ZC2HC1B: variants seen among roughly 807,000 people sequenced by gnomAD.
ZC2HC1B encodes zinc finger C2HC-type containing 1B.
ZC2HC1B carries 36 observed loss-of-function variants against 31.0 expected under a neutral mutation model. That is an observed-to-expected ratio of 1.16 (90% CI 0.89 to 1.54). The LOEUF (loss-of-function observed/expected upper bound fraction) is 1.54, where lower values mean the gene tolerates loss of function less well. Ranked by LOEUF, ZC2HC1B falls within the 40% of genes most tolerant of loss-of-function variation. The probability of loss-of-function intolerance (pLI) is 0.00; values close to 1 mark genes in which losing one functional copy is unlikely to be tolerated. For missense variants in ZC2HC1B, 260 were observed against 268.6 expected, an observed-to-expected ratio of 0.97 and a Z score of 0.22; for synonymous variants, 73 against 88.0, an observed-to-expected ratio of 0.83 and a Z score of 0.95.
rs189329143 is a variant in ZC2HC1B at position 143,926,898 on chromosome 6, C to T, written c.599-10751C>T. On this transcript the variant is annotated intron_variant, in intron 6 of 7. Coordinates refer to ENST00000237275, the MANE Select transcript of ZC2HC1B (RefSeq NM_001013623.3). ...GTCGCCCAGGCCGCTGCAAGCTCCG[C>T]TTCCCGGGTTCACGCCATTCTCCTG... 2.3e-3 allele frequency among the ~76,000 whole-genome samples: 310 copies of T among 137,302 alleles called. 5 individuals carry two copies. Among genetic ancestry groups the T allele is most frequent in the African/African-American group, 8.6e-3 (299 of 34,762 alleles). 90.1% of individuals were successfully genotyped at this position (137,302 alleles called of 152,430 possible).
Position 143,903,073 on chromosome 6 carries a change from AC to A in ZC2HC1B, c.521del (p.Pro174GlnfsTer28). ...GGGCTCAGATGGGTCCAAAAAAAGAACCAACTGTTACCAGTGCTGTGGGAGC... is the reference window on the plus strand; with the variant it reads ...GGGCTCAGATGGGTCCAAAAAAAGAACAACTGTTACCAGTGCTGTGGGAGC... ...GRAQMGPKKE[P>X]TVTSAVGALL... On this transcript the variant is annotated frameshift_variant, in exon 6 of 8. Coordinates refer to ENST00000237275, the MANE Select transcript of ZC2HC1B (RefSeq NM_001013623.3). LOFTEE classifies it high-confidence loss of function. This position sits in a 1 kb window ranked among gnomAD's most constrained non-coding sequence, Gnocchi z 4.3. The A allele has an allele frequency of 2.6e-6, 4 of 1,551,846 alleles. No individual in the cohort carries two copies. The highest frequency in any genetic ancestry group is 3.9e-5 in the Admixed American group (2 of 50,994).
In ZC2HC1B at chr6:143,871,482, A is replaced by C. The variant is rs1218636213; in HGVS notation, c.28+6915A>C. Among the ~76,000 whole-genome samples the C allele has an allele frequency of 2.0e-5, 3 of 152,218 alleles. No individual in the cohort carries two copies. The highest frequency in any genetic ancestry group is 7.2e-5 in the African/African-American group (3 of 41,458). Reference sequence around the variant, plus strand: ...CAATGGCTGCATACCAGGTACCAAGAAATGTGTTAATTGGCTCAAACAATG... The same window carrying C: ...CAATGGCTGCATACCAGGTACCAAGCAATGTGTTAATTGGCTCAAACAATG... On this transcript the variant is annotated intron_variant, in intron 1 of 7. Transcript: ENST00000237275. This position sits in a 1 kb window ranked among gnomAD's most constrained non-coding sequence, Gnocchi z 4.1.
rs919760918 is a variant in ZC2HC1B at position 143,911,545 on chromosome 6, A to G, written c.598+8393A>G. Among the ~76,000 whole-genome samples, 2 of 152,194 alleles carry G rather than the reference A, an allele frequency of 1.3e-5. No individual in the cohort carries two copies. The highest frequency in any genetic ancestry group is 4.8e-5 in the African/African-American group (2 of 41,448). On this transcript the variant is annotated intron_variant, in intron 6 of 7. Transcript: ENST00000237275. The surrounding 1 kb of genome is among the most constrained non-coding windows in gnomAD (Gnocchi z 4.5). ...CTTATGAAGCTTAGTTTGACTGGAT[A>G]TGAAATTCTGGGTTGGAAATTCTTT...
chr6:143,923,193 GTCT>G lies in ZC2HC1B; in HGVS notation c.599-14451_599-14449del, dbSNP rs1778001497. On this transcript the variant is annotated intron_variant, in intron 6 of 7. Transcript: ENST00000237275. This position sits in a 1 kb window ranked among gnomAD's most constrained non-coding sequence, Gnocchi z 4.8. ...CTGTAACCAGGGGTGAGAGAGGTAT[GTCT>G]TCTTTTGAGAAATGCCTACTCAGAT... is the stretch of plus-strand genomic sequence containing the variant. Among the ~76,000 whole-genome samples the G allele has an allele frequency of 6.6e-6, 1 of 151,658 alleles. No individual in the cohort carries two copies. The highest frequency in any genetic ancestry group is 2.4e-5 in the African/African-American group (1 of 41,296).
chr6:143,885,987 G>T lies in ZC2HC1B; in HGVS notation c.91-45G>T, dbSNP rs932900758. The T allele has an allele frequency of 1.1e-5, 16 of 1,480,062 alleles. No homozygotes were observed. Among genetic ancestry groups the T allele is most frequent in the Non-Finnish European group, 1.4e-5 (16 of 1,116,582 alleles). 91.7% of individuals were successfully genotyped at this position (1,480,062 alleles called of 1,614,324 possible). Reference sequence around the variant, plus strand: ...TAGGTACACCTAGGCATTAAAAACTGATTGTGCACTTTAGAAATTCCAATC... The same window carrying T: ...TAGGTACACCTAGGCATTAAAAACTTATTGTGCACTTTAGAAATTCCAATC... On this transcript the variant is annotated intron_variant, in intron 2 of 7. Coordinates refer to ENST00000237275, the MANE Select transcript of ZC2HC1B (RefSeq NM_001013623.3). This position sits in a 1 kb window ranked among gnomAD's most constrained non-coding sequence, Gnocchi z 4.2.
chr6:143,919,760 T>C (rs895212282), intron 6 of ZC2HC1B, among the ~76,000 whole-genome samples: 1 of 152,116 alleles, frequency 6.6e-6, no homozygotes, highest in Non-Finnish European at 1.5e-5. Context: ...AGATCTGAAA[T>C]TGGTGAAATT....
At chr6:143,876,336 A>T (rs1777408418) in intron 1 of ZC2HC1B, among the ~76,000 whole-genome samples, 1 of 150,596 alleles carries the variant, frequency 6.6e-6, no homozygotes, top group African/African-American at 2.5e-5. Context: ...TTATGTATAG[A>T]GTAACTAAAC....
chr6:143,925,179 T>G (rs1778020455), intron 6 of ZC2HC1B, among the ~76,000 whole-genome samples: 1 of 64,638 alleles, frequency 1.5e-5, no homozygotes, highest in African/African-American at 5.8e-5. Context: ...TTTTTTTTTT[T>G]TTTTTTTTTT....
rs1269878022 is a variant in ZC2HC1B at position 143,923,690 on chromosome 6, C to T, written c.599-13959C>T. ...CTTGGATATCCAGTTTTCCCTGTAC[C>T]ATTATTGAAGAGGATGCCTTTCCCC... On this transcript the variant is annotated intron_variant, in intron 6 of 7. Coordinates refer to ENST00000237275, the MANE Select transcript of ZC2HC1B (RefSeq NM_001013623.3). The surrounding 1 kb of genome is among the most constrained non-coding windows in gnomAD (Gnocchi z 4.8). Among the ~76,000 whole-genome samples the T allele has an allele frequency of 6.6e-6, 1 of 151,950 alleles. No individual in the cohort carries two copies. Among genetic ancestry groups the T allele is most frequent in the Admixed American group, 6.6e-5 (1 of 15,260 alleles).
intron 1 of ZC2HC1B, among the ~76,000 whole-genome samples, chr6:143,880,539 C>T (rs972158658): frequency 1.3e-5 from 2 of 152,086 alleles, no homozygotes; most frequent in Admixed American, 6.5e-5. Flanking sequence ...CCATGTTATT[C>T]TCCCACAAAT....
intron 6 of ZC2HC1B, among the ~76,000 whole-genome samples, chr6:143,936,542 T>TAGTC (rs1778180666): frequency 6.6e-6 from 1 of 152,260 alleles, no homozygotes; most frequent in Admixed American, 6.5e-5. Flanking sequence ...GTGTATAGCC[T>TAGTC]AGTCAGCAAA....
Position 143,921,211 on chromosome 6 carries a change from A to G in ZC2HC1B, c.599-16438A>G, listed in dbSNP as rs926418718. On this transcript the variant is annotated intron_variant, in intron 6 of 7. Transcript: ENST00000237275. This position sits in a 1 kb window ranked among gnomAD's most constrained non-coding sequence, Gnocchi z 6.1. The stretch of plus-strand genomic sequence containing the variant: ...TTTGCTAAAGTGTCGCCTCAGTGAG[A>G]CTTCTCCAACCTCTGTATTTAAAAC... Among the ~76,000 whole-genome samples the G allele has an allele frequency of 6.6e-6, 1 of 152,156 alleles. No homozygotes were observed. Among genetic ancestry groups the G allele is most frequent in the African/African-American group, 2.4e-5 (1 of 41,418 alleles).
intron 1 of ZC2HC1B, among the ~76,000 whole-genome samples, chr6:143,877,299 TGAGACA>T (rs1395745294): frequency 8.1e-6 from 1 of 124,170 alleles, no homozygotes; most frequent in Non-Finnish European, 1.7e-5. Context: ...TTTTTTTTTT[TGAGACA>T]GAGTTTTGCT....
rs977879995 is a variant in ZC2HC1B, at chr6:143,905,673, A to G, written c.598+2521A>G. On this transcript the variant is annotated intron_variant, in intron 6 of 7. Transcript: ENST00000237275. The surrounding 1 kb of genome is among the most constrained non-coding windows in gnomAD (Gnocchi z 4.2). ...AGTTTTCAGTCTTTCAGCATTGAGT[A>G]TGGTGATCTCTGTGGGTTTTACATG... is the stretch of plus-strand genomic sequence containing the variant. Among the ~76,000 whole-genome samples, 1 of 152,122 alleles carries G rather than the reference A, an allele frequency of 6.6e-6. No individual in the cohort carries two copies. Among genetic ancestry groups the G allele is most frequent in the Non-Finnish European group, 1.5e-5 (1 of 68,012 alleles).
chr6:143,878,092 G>A (rs1582952706), intron 1 of ZC2HC1B, among the ~76,000 whole-genome samples: 1 of 150,818 alleles, frequency 6.6e-6, no homozygotes, highest in East Asian at 1.9e-4. Flanking sequence ...AAACTTACTT[G>A]TAACCCTAAC....
At chr6:143,930,500 C>A (rs900198836) in intron 6 of ZC2HC1B, among the ~76,000 whole-genome samples, 12 of 151,406 alleles carry the variant, frequency 7.9e-5, no homozygotes, top group Non-Finnish European at 1.6e-4. Flanking sequence ...CATTCTCCTG[C>A]CTCAGCCTCT....
In ZC2HC1B at chr6:143,871,184, G is replaced by A. The variant is rs1444497263; in HGVS notation, c.28+6617G>A. ...CATCAGATTTCCCATCCTCTGGCAC[G>A]CAAATATCTCACCAATAAGTCCAGT... is the stretch of plus-strand genomic sequence containing the variant. On this transcript the variant is annotated intron_variant, in intron 1 of 7. Transcript: ENST00000237275. This position sits in a 1 kb window ranked among gnomAD's most constrained non-coding sequence, Gnocchi z 4.1. Among the ~76,000 whole-genome samples the A allele has an allele frequency of 2.0e-5, 3 of 152,100 alleles. No individual in the cohort carries two copies. Among genetic ancestry groups the A allele is most frequent in the East Asian group, 1.9e-4 (1 of 5,194 alleles).
At position 143,883,054 on chromosome 6, in the gene ZC2HC1B, G is replaced by A. The variant is rs752444466; in HGVS notation, c.29-1250G>A. Among the ~76,000 whole-genome samples, 3 of 151,902 alleles carry A rather than the reference G, an allele frequency of 2.0e-5. No homozygotes were observed. The highest frequency in any genetic ancestry group is 4.4e-5 in the Non-Finnish European group (3 of 67,958). The stretch of plus-strand genomic sequence containing the variant: ...ACCTTCAGCTTTTTTGTGTGTAAGT[G>A]GGGGAGACAGGATCTTGCTCTGTCT... On this transcript the variant is annotated intron_variant, in intron 1 of 7. Transcript: ENST00000237275. This position sits in a 1 kb window ranked among gnomAD's most constrained non-coding sequence, Gnocchi z 4.1.
rs534237555 is a variant in ZC2HC1B at position 143,905,803 on chromosome 6, A to T, written c.598+2651A>T. On this transcript the variant is annotated intron_variant, in intron 6 of 7. Transcript: ENST00000237275. This position sits in a 1 kb window ranked among gnomAD's most constrained non-coding sequence, Gnocchi z 4.2. The stretch of plus-strand genomic sequence containing the variant: ...TTCTCAAATGGTTTTTTTTGCATCA[A>T]TTGAGATGATGATGTAATTTTTGTC... Among the ~76,000 whole-genome samples the T allele has an allele frequency of 1.3e-5, 2 of 152,030 alleles. No individual in the cohort carries two copies. The highest frequency in any genetic ancestry group is 4.8e-5 in the African/African-American group (2 of 41,394).
Sources: gnomAD v4.1 joint callset for allele counts (sites outside exome capture counted in the v4.1 genomes callset) on GRCh38, gnomAD v4.1.1 for gene constraint, Gnocchi (gnomAD v3.1) non-coding constraint, MANE v1.5 for transcripts, NCBI Gene and HGNC (gene_info 2026-07-23, HGNC 2026-07-21) for gene names.